Variants in RSRP1 observed in about 807,000 individuals in gnomAD.
RSRP1 encodes the protein arginine/serine-rich protein 1.
In RSRP1, 37 loss-of-function variants were observed where a neutral mutation model predicts 33.0. The ratio of observed to expected loss-of-function variants is 1.12; its 90% CI spans 0.86 to 1.48. The LOEUF is 1.48. Among genes scored for constraint, RSRP1 ranks in the 40% most tolerant of loss-of-function variants. RSRP1 has a pLI of 0.00. For synonymous variants in RSRP1, 167 were observed against 158.7 expected (o/e 1.05, Z -0.40); for missense variants, 402 against 385.3 (o/e 1.04, Z -0.36).
In RSRP1 at chr1:25,322,237, C is replaced by A. The variant is rs640760; in HGVS notation, c.-67+15741G>T. The stretch of plus-strand genomic sequence containing the variant: ...TTTCACTGGCCACACTTCCCCTCCC[C>A]CTATCTGCAGTCCTCAGCGTAGCCA... On this transcript the variant is annotated intron_variant, in intron 1 of 1. Transcript: ENST00000561867. Among the ~76,000 whole-genome samples, 38 of 132,266 alleles carry A rather than the reference C, an allele frequency of 2.9e-4. 9 individuals carry two copies. The highest frequency in any genetic ancestry group is 5.4e-5 in the Non-Finnish European group (3 of 55,686). The allele number at this position is 132,266 out of a possible 152,430, so 86.8% of individuals were successfully genotyped here. A position where few individuals can be genotyped will look rare whatever the true frequency, so the allele number is the denominator to read the frequency against.
Position 25,242,469 on chromosome 1 carries a change from G to T in RSRP1, c.*120C>A. 1.6e-6 allele frequency: 1 copy of T among 636,444 alleles called. No homozygotes were observed. Among genetic ancestry groups the T allele is most frequent in the South Asian group, 2.1e-5 (1 of 46,998 alleles). 39.4% of individuals were successfully genotyped at this position (636,444 alleles called of 1,614,324 possible). A position where few individuals can be genotyped will look rare whatever the true frequency, so the allele number is the denominator to read the frequency against. On this transcript the variant is annotated 3_prime_UTR_variant, in exon 5 of 5. Coordinates refer to ENST00000243189, the MANE Select transcript of RSRP1 (RefSeq NM_020317.5). ...GAGTGTTAAGTATTTACATCTTTTT[G>T]TGTTGGTTTTTAAATGCACAAGTAC... is the stretch of plus-strand genomic sequence containing the variant.
chr1:25,257,097 G>A (rs1206352376), intron 1 of RSRP1, among the ~76,000 whole-genome samples: 1 of 152,158 alleles, frequency 6.6e-6, no homozygotes, highest in Non-Finnish European at 1.5e-5. Context: ...CAGCTAGGTC[G>A]AAGGAGCTGT....
chr1:25,250,737 G>A (rs539123315), upstream of RSRP1, among the ~76,000 whole-genome samples: 13 of 152,258 alleles, frequency 8.5e-5, no homozygotes, highest in South Asian at 2.1e-4. Flanking sequence ...CGGGCCAGGC[G>A]CGGTGGCTCA....
rs1644750420 is a variant in RSRP1, at chr1:25,322,258, A to T, written c.-67+15720T>A. Reference sequence around the variant, plus strand: ...TCCCCCTATCTGCAGTCCTCAGCGTAGCCAAATAGTCTGACATGCGGGTGA... The same window carrying T: ...TCCCCCTATCTGCAGTCCTCAGCGTTGCCAAATAGTCTGACATGCGGGTGA... On this transcript the variant is annotated intron_variant, in intron 1 of 1. Transcript: ENST00000561867. Among the ~76,000 whole-genome samples, 3 of 132,680 alleles carry T rather than the reference A, an allele frequency of 2.3e-5. 1 individual carries two copies. In the East Asian group the frequency reaches 5.8e-4, roughly 26 times the overall value. The allele number at this position is 132,680 out of a possible 152,430, so 87.0% of individuals were successfully genotyped here.
intron 1 of RSRP1, among the ~76,000 whole-genome samples, chr1:25,331,012 G>T (rs1231635751): frequency 1.9e-5 from 2 of 103,010 alleles, no homozygotes; most frequent in Non-Finnish European, 4.5e-5. Context: ...CGCCCAGGCT[G>T]GAGTGCAGTG....
At chr1:25,258,258 G>A (rs1451160112) in intron 1 of RSRP1, among the ~76,000 whole-genome samples, 2 of 152,160 alleles carry the variant, frequency 1.3e-5, no homozygotes, top group African/African-American at 4.8e-5. Context: ...TCGGCTCGCT[G>A]CAACATCCGC....
intron 1 of RSRP1, among the ~76,000 whole-genome samples, chr1:25,278,930 G>A (rs1641242509): frequency 1.5e-5 from 2 of 129,166 alleles, no homozygotes; most frequent in South Asian, 4.8e-4. Context: ...GTCTTTCCAG[G>A]CAGCAGTGGG....
rs183889209 is a variant in RSRP1, at chr1:25,288,670, G to C, written c.-66-41641C>G. ...ACAGAGTGATTAAATAAATTGCCCA[G>C]GATCACACAGCCAGAAAGTGTCTGA... On this transcript the variant is annotated intron_variant, in intron 1 of 1. Transcript: ENST00000561867. 5.5e-4 allele frequency among the ~76,000 whole-genome samples: 70 copies of C among 127,854 alleles called. 11 individuals are homozygous for C. Among genetic ancestry groups the C allele is most frequent in the African/African-American group, 1.8e-3 (68 of 36,772 alleles). The allele number at this position is 127,854 out of a possible 152,430, so 83.9% of individuals were successfully genotyped here.
intron 1 of RSRP1, among the ~76,000 whole-genome samples, chr1:25,336,704 C>A (rs1301231587): frequency 6.6e-6 from 1 of 150,894 alleles, no homozygotes; most frequent in Non-Finnish European, 1.5e-5. Flanking sequence ...CTGCTCAGAG[C>A]TGGTAAACTA....
intron 1 of RSRP1, among the ~76,000 whole-genome samples, chr1:25,310,187 G>A (rs1644066075): frequency 1.5e-5 from 2 of 132,892 alleles, no homozygotes; most frequent in Non-Finnish European, 3.6e-5. Context: ...ATATGTGATG[G>A]TTTGAATGTG....
intron 1 of RSRP1, among the ~76,000 whole-genome samples, chr1:25,256,385 G>C (rs1639950156): frequency 6.6e-6 from 1 of 152,114 alleles, no homozygotes; most frequent in Non-Finnish European, 1.5e-5. Flanking sequence ...CCTGGCCTCA[G>C]GCAAGATCTT....
chr1:25,270,068 C>T (rs1235321576), intron 1 of RSRP1, among the ~76,000 whole-genome samples: 1 of 132,040 alleles, frequency 7.6e-6, no homozygotes, highest in East Asian at 1.9e-4. Context: ...GCAGAGGTCA[C>T]ATCCATTTAT....
Position 25,282,430 on chromosome 1 carries a change from T to G in RSRP1, c.-66-35401A>C, listed in dbSNP as rs374384422. 3.1e-4 allele frequency among the ~76,000 whole-genome samples: 40 copies of G among 130,974 alleles called. 1 individual carries two copies. The East Asian group carries it at 6.5e-3, about 21-fold the overall frequency. 85.9% of individuals were successfully genotyped at this position (130,974 alleles called of 152,430 possible). A position where few individuals can be genotyped will look rare whatever the true frequency, so the allele number is the denominator to read the frequency against. On this transcript the variant is annotated intron_variant, in intron 1 of 1. Transcript: ENST00000561867. Reference sequence around the variant, plus strand: ...TTGTAATTTTAGTAGAGACGGGGTTTCACCATGTTGGCCAGGCTAGTCTCG... The same window carrying G: ...TTGTAATTTTAGTAGAGACGGGGTTGCACCATGTTGGCCAGGCTAGTCTCG...
chr1:25,250,074 T>C (rs926599484), upstream of RSRP1, among the ~76,000 whole-genome samples: 2 of 152,094 alleles, frequency 1.3e-5, no homozygotes, highest in Admixed American at 1.3e-4. Flanking sequence ...TATACTAAGG[T>C]CTAAATAGGG....
intron 1 of RSRP1, among the ~76,000 whole-genome samples, chr1:25,323,530 C>T (rs571747094): frequency 7.8e-6 from 1 of 127,594 alleles, no homozygotes; most frequent in East Asian, 2.0e-4. Context: ...ACCATCATGG[C>T]TCACTGTAGC....
Position 25,246,544 on chromosome 1 carries a change from G to A in RSRP1, c.420C>T (p.Tyr140=), listed in dbSNP as rs775248709. 1.2e-6 allele frequency: 2 copies of A among 1,614,258 alleles called. No individual in the cohort carries two copies. The highest frequency in any genetic ancestry group is 2.2e-5 in the South Asian group (2 of 91,088). Residue 140 remains tyrosine (Y), a synonymous_variant, in exon 2 of 5, where the codon TAC becomes TAT. Transcript: ENST00000243189. ...AYAIARGQRY[Y]GFGRTVYPEE... ...CCGGGTACACTGTGCGACCAAAGCCGTAGTAGCGCTGTCCCCGCGCGATCG... is the reference window on the plus strand; with the variant it reads ...CCGGGTACACTGTGCGACCAAAGCCATAGTAGCGCTGTCCCCGCGCGATCG...
At chr1:25,284,640 C>T in intron 1 of RSRP1, 1 of 1,389,016 alleles carries the variant, frequency 7.2e-7, no homozygotes, top group Non-Finnish European at 1.0e-6. Context: ...TCCGGAGACA[C>T]AGCTGGAGCA....
rs1200793504 is a variant in RSRP1 at position 25,280,019 on chromosome 1, G to C, written c.-66-32990C>G. Among the ~76,000 whole-genome samples, 8 of 129,952 alleles carry C rather than the reference G, an allele frequency of 6.2e-5. 1 individual carries two copies. Among genetic ancestry groups the C allele is most frequent in the African/African-American group, 2.2e-4 (8 of 37,152 alleles). 85.3% of individuals were successfully genotyped at this position (129,952 alleles called of 152,430 possible). A position where few individuals can be genotyped will look rare whatever the true frequency, so the allele number is the denominator to read the frequency against. Reference sequence around the variant, plus strand: ...CCAGATAATGGATGGGTGGAAATGGGCCTGGAGCCCAGGAGAAGTGGGAGG... The same window carrying C: ...CCAGATAATGGATGGGTGGAAATGGCCCTGGAGCCCAGGAGAAGTGGGAGG... On this transcript the variant is annotated intron_variant, in intron 1 of 1. Transcript: ENST00000561867.
At position 25,246,966 on chromosome 1, in the gene RSRP1, T is replaced by G. The variant is rs1424458207; in HGVS notation, c.-3A>C. On this transcript the variant is annotated 5_prime_UTR_variant, in exon 2 of 5. Transcript: ENST00000243189. The stretch of plus-strand genomic sequence containing the variant: ...ATGTCGTTCACGTAGTTGGACATCT[T>G]CACCTGCGGCTTTAGCCTGCGCTTT... The G allele has an allele frequency of 2.6e-6, 4 of 1,565,002 alleles. No homozygotes were observed. The highest frequency in any genetic ancestry group is 3.5e-6 in the Non-Finnish European group (4 of 1,152,160).
Sources: gnomAD v4.1 joint callset for allele counts (sites outside exome capture counted in the v4.1 genomes callset) on GRCh38, gnomAD v4.1.1 for gene constraint, MANE v1.5 for transcripts, NCBI Gene and HGNC (gene_info 2026-07-23, HGNC 2026-07-21) for gene names.